TUSC3: variants seen among roughly 807,000 people sequenced by gnomAD.
TUSC3 encodes the protein dolichyl-diphosphooligosaccharide--protein glycosyltransferase subunit TUSC3.
A neutral mutation model predicts 44.8 loss-of-function variants in TUSC3; 45 were observed. That is an observed-to-expected ratio of 1.00 (90% CI 0.79 to 1.29). The LOEUF is 1.29. Among genes scored for constraint, TUSC3 ranks in the 50% most tolerant of loss-of-function variants. The pLI, the probability that TUSC3 is intolerant of heterozygous loss-of-function variation, is 0.00. For synonymous variants in TUSC3, 212 were observed against 152.9 expected (o/e 1.39, Z -2.85); for missense variants, 519 against 437.9 (o/e 1.19, Z -1.65).
intron 1 of TUSC3, chr8:15,483,273 T>C: frequency 5.4e-6 from 1 of 183,740 alleles, no homozygotes; most frequent in Non-Finnish European, 1.1e-5. Context: ...TTATTAGTTT[T>C]TTTAAAAATC....
Position 15,703,966 on chromosome 8 carries a change from A to C in TUSC3, c.799-26700A>C, listed in dbSNP as rs73197146. On this transcript the variant is annotated intron_variant, in intron 6 of 10. Transcript: ENST00000503731. ...GTCTGGCTTGGCGCACTGCAAAATAAGTGACGAACAAAATAGATAAAGCTT... is the reference window on the plus strand; with the variant it reads ...GTCTGGCTTGGCGCACTGCAAAATACGTGACGAACAAAATAGATAAAGCTT... 3.3e-3 allele frequency among the ~76,000 whole-genome samples: 500 copies of C among 152,314 alleles called. 3 individuals are homozygous for C. The highest frequency in any genetic ancestry group is 6.8e-3 in the Middle Eastern group (2 of 294).
chr8:15,452,533 G>C (rs557050968), intron 1 of TUSC3, among the ~76,000 whole-genome samples: 2 of 152,276 alleles, frequency 1.3e-5, no homozygotes, highest in East Asian at 3.9e-4. Context: ...TTAGTACTGT[G>C]GAGCCCTAAT....
At chr8:15,653,552 C>T (rs1213192736) in intron 3 of TUSC3, among the ~76,000 whole-genome samples, 2 of 152,128 alleles carry the variant, frequency 1.3e-5, no homozygotes, top group Non-Finnish European at 2.9e-5. Context: ...TTAATTGAAA[C>T]ATTTTCTCAG....
chr8:15,713,781 C>T lies in TUSC3; in HGVS notation c.799-16885C>T, dbSNP rs564569230. Among the ~76,000 whole-genome samples, 17 of 152,114 alleles carry T rather than the reference C, an allele frequency of 1.1e-4. No individual in the cohort carries two copies. The South Asian group carries it at 1.9e-3, about 17-fold the overall frequency. Reference sequence around the variant, plus strand: ...CTCATTTAATGACCTCTTTAAAGACCCTCTCACCAAAGAGTCATATTCTGA... The same window carrying T: ...CTCATTTAATGACCTCTTTAAAGACTCTCTCACCAAAGAGTCATATTCTGA... On this transcript the variant is annotated intron_variant, in intron 6 of 10. Coordinates refer to ENST00000503731, the MANE Select transcript of TUSC3 (RefSeq NM_006765.4).
intron 1 of TUSC3, among the ~76,000 whole-genome samples, chr8:15,428,743 T>C (rs1379653154): frequency 6.6e-6 from 1 of 152,198 alleles, no homozygotes; most frequent in African/African-American, 2.4e-5. Context: ...TTTTTTCATG[T>C]GTCTTTTGGC....
At chr8:15,719,124 T>A (rs1299574054) in intron 6 of TUSC3, among the ~76,000 whole-genome samples, 2 of 152,240 alleles carry the variant, frequency 1.3e-5, no homozygotes, top group Middle Eastern at 3.4e-3. Context: ...TATAGTCTGT[T>A]CTTGACATAG....
chr8:15,586,204 G>C (rs1803596126), intron 1 of TUSC3, among the ~76,000 whole-genome samples: 1 of 152,152 alleles, frequency 6.6e-6, no homozygotes, highest in African/African-American at 2.4e-5. Context: ...ATTTAAGTCA[G>C]TAGTGACTGT....
At position 15,437,331 on chromosome 8, in the gene TUSC3, A is replaced by G. The variant is rs116883850; in HGVS notation, n.91+20026A>G. Reference sequence around the variant, plus strand: ...TTGAGGCTGTTTAGTCTAGACCTACATATCTCTGTTTACTACATTTCTAAG... The same window carrying G: ...TTGAGGCTGTTTAGTCTAGACCTACGTATCTCTGTTTACTACATTTCTAAG... On this transcript the variant is annotated intron_variant and non_coding_transcript_variant, in intron 1 of 5. Coordinates refer to the TUSC3 transcript ENST00000503191. Among the ~76,000 whole-genome samples the G allele has an allele frequency of 4.4e-4, 67 of 152,298 alleles. No homozygotes were observed. In the East Asian group the frequency reaches 0.011, roughly 25 times the overall value.
intron 2 of TUSC3, among the ~76,000 whole-genome samples, chr8:15,520,642 A>G (rs1367909390): frequency 1.3e-5 from 2 of 152,218 alleles, no homozygotes; most frequent in Non-Finnish European, 2.9e-5. Flanking sequence ...CATATAAATG[A>G]TAGAGGAGAT....
At position 15,510,597 on chromosome 8, in the gene TUSC3, A is replaced by T. The variant is rs146528313; in HGVS notation, n.189+27114A>T. Among the ~76,000 whole-genome samples, 1,504 of 152,198 alleles carry T rather than the reference A, an allele frequency of 9.9e-3. 24 individuals carry two copies. Among genetic ancestry groups the T allele is most frequent in the African/African-American group, 0.034 (1,410 of 41,510 alleles). The stretch of plus-strand genomic sequence containing the variant: ...TTTAAATATCAGTTTGTAGTTAAAA[A>T]CCTTCCCACACAGAAAACTCCAGGC... On this transcript the variant is annotated intron_variant and non_coding_transcript_variant, in intron 2 of 5. Coordinates refer to the TUSC3 transcript ENST00000503191.
chr8:15,754,627 C>G (rs1413721603), intron 9 of TUSC3, among the ~76,000 whole-genome samples: 1 of 152,068 alleles, frequency 6.6e-6, no homozygotes, highest in East Asian at 1.9e-4. Context: ...GGCCTTTAGG[C>G]TCCAATGCCA....
At chr8:15,459,785 G>A (rs1800318136) in intron 1 of TUSC3, among the ~76,000 whole-genome samples, 3 of 151,964 alleles carry the variant, frequency 2.0e-5, no homozygotes, top group Non-Finnish European at 1.5e-5. Flanking sequence ...CCCGGTCAAT[G>A]CGAGTGCCAT....
At chr8:15,555,472 T>C (rs1232256838) in intron 1 of TUSC3, among the ~76,000 whole-genome samples, 1 of 150,576 alleles carries the variant, frequency 6.6e-6, no homozygotes, top group Non-Finnish European at 1.5e-5. Flanking sequence ...AGTTTTTTTG[T>C]ATTGTAGAGA....
chr8:15,482,551 G>T (rs1800676491), intron 1 of TUSC3, among the ~76,000 whole-genome samples: 1 of 152,188 alleles, frequency 6.6e-6, no homozygotes, highest in Non-Finnish European at 1.5e-5. Flanking sequence ...CATTGACAAT[G>T]TACTCAATCA....
At chr8:15,756,319 T>C (rs1811926823) in intron 9 of TUSC3, among the ~76,000 whole-genome samples, 1 of 152,146 alleles carries the variant, frequency 6.6e-6, no homozygotes, top group African/African-American at 2.4e-5. Flanking sequence ...TCTGTAAACT[T>C]GGTATGATAA....
chr8:15,620,352 T>G (rs970516157), intron 1 of TUSC3, among the ~76,000 whole-genome samples: 4 of 152,176 alleles, frequency 2.6e-5, no homozygotes, highest in African/African-American at 9.6e-5. Context: ...GTTTAAAAGA[T>G]TTTTTCCAGA....
chr8:15,467,421 C>G (rs940098996), intron 1 of TUSC3, among the ~76,000 whole-genome samples: 1 of 152,030 alleles, frequency 6.6e-6, no homozygotes, highest in African/African-American at 2.4e-5. Context: ...TAAACAGAAT[C>G]AATTGCAGTA....
At chr8:15,685,209 C>T (rs551254771) in intron 6 of TUSC3, among the ~76,000 whole-genome samples, 1 of 152,180 alleles carries the variant, frequency 6.6e-6, no homozygotes, top group South Asian at 2.1e-4. Flanking sequence ...TCTTGGGAAA[C>T]CTGTAGCTGG....
At chr8:15,633,756 G>C (rs1213237644) in intron 2 of TUSC3, among the ~76,000 whole-genome samples, 1 of 152,150 alleles carries the variant, frequency 6.6e-6, no homozygotes, top group Non-Finnish European at 1.5e-5. Context: ...CTCCCCTTCA[G>C]TTTTAAGAGG....
Sources: allele counts gnomAD v4.1 joint callset (sites outside exome capture counted in the v4.1 genomes callset), GRCh38; gene constraint gnomAD v4.1.1; transcripts MANE v1.5; gene names NCBI Gene and HGNC (gene_info 2026-07-23, HGNC 2026-07-21).